The following ERC2 variants were observed in gnomAD, a reference collection of about 807,000 sequenced individuals.
ERC2 encodes the protein ELKS/RAB6-interacting/CAST family member 2, also known as ERC protein 2.
ERC2 carries 42 observed loss-of-function variants against 114.8 expected under a neutral mutation model. The ratio of observed to expected loss-of-function variants is 0.37; its 90% confidence interval spans 0.29 to 0.47. ERC2 has a LOEUF of 0.47. Among genes scored for constraint, ERC2 ranks in the 20% least tolerant of loss-of-function variants. ERC2 has a pLI of 0.99. For missense variants in ERC2, 939 were observed against 1,150.7 expected, an observed-to-expected ratio of 0.82 and a Z score of 2.66; for synonymous variants, 454 against 425.5, an observed-to-expected ratio of 1.07 and a Z score of -0.82.
chr3:56,051,774 C>A (rs1193464046), intron 7 of ERC2, among the ~76,000 whole-genome samples: 1 of 150,072 alleles, frequency 6.7e-6, no homozygotes, highest in African/African-American at 2.5e-5. Context: ...TGCAGTGAGC[C>A]GAGATCGCGC....
intron 14 of ERC2, among the ~76,000 whole-genome samples, chr3:55,763,601 T>G (rs933938111): frequency 1.3e-5 from 2 of 152,176 alleles, no homozygotes; most frequent in African/African-American, 2.4e-5. Flanking sequence ...AATTTAGAAA[T>G]GAGTACCAAG....
intron 2 of ERC2, among the ~76,000 whole-genome samples, chr3:56,349,268 T>C (rs1283841544): frequency 6.6e-6 from 1 of 152,166 alleles, no homozygotes; most frequent in Non-Finnish European, 1.5e-5. Flanking sequence ...TAAATTACCC[T>C]CTGCTCATCT....
chr3:56,150,879 A>C (rs1166619471), intron 4 of ERC2, among the ~76,000 whole-genome samples: 1 of 152,110 alleles, frequency 6.6e-6, no homozygotes, highest in Non-Finnish European at 1.5e-5. Flanking sequence ...GTGGGTAATT[A>C]GGATTAGATG....
intron 3 of ERC2, among the ~76,000 whole-genome samples, chr3:56,230,666 G>A (rs533041466): frequency 1.3e-5 from 2 of 152,288 alleles, no homozygotes; most frequent in African/African-American, 2.4e-5. Context: ...TATAATTTAT[G>A]TATTGCAGAA....
At chr3:56,367,974 A>T (rs1454392620) in intron 2 of ERC2, among the ~76,000 whole-genome samples, 2 of 148,880 alleles carry the variant, frequency 1.3e-5, no homozygotes, top group Non-Finnish European at 3.0e-5. Context: ...AAAGTGTAAA[A>T]GGTAGGACAA....
At chr3:56,030,483 T>C (rs1181987655) in intron 7 of ERC2, among the ~76,000 whole-genome samples, 1 of 152,228 alleles carries the variant, frequency 6.6e-6, no homozygotes, top group Non-Finnish European at 1.5e-5. Context: ...TTTTCTTTCA[T>C]GTATTTTGAA....
intron 3 of ERC2, among the ~76,000 whole-genome samples, chr3:56,229,354 TCATTCTTAAAGCACTTTTGG>T (rs1322963773): frequency 6.6e-6 from 1 of 152,216 alleles, no homozygotes; most frequent in Non-Finnish European, 1.5e-5. Flanking sequence ...CTTAGAGCTA[TCATTCTTAAAGCACTTTTGG>T]CCAACCTCTG....
chr3:55,734,310 C>G (rs182142120), intron 15 of ERC2, among the ~76,000 whole-genome samples: 196 of 152,086 alleles, frequency 1.3e-3, no homozygotes, highest in African/African-American at 4.2e-3. Flanking sequence ...AGGAAATAGT[C>G]AAAGAACTAA....
At chr3:55,677,717 T>C (rs2061878369) in intron 17 of ERC2, among the ~76,000 whole-genome samples, 1 of 152,174 alleles carries the variant, frequency 6.6e-6, no homozygotes, top group African/African-American at 2.4e-5. Context: ...AGGGTCTTCT[T>C]CACTTTTTCT....
chr3:55,711,844 T>C (rs1228903334), intron 15 of ERC2, among the ~76,000 whole-genome samples: 1 of 152,208 alleles, frequency 6.6e-6, no homozygotes, highest in Non-Finnish European at 1.5e-5. Context: ...GTTTCTATAA[T>C]GTGCTAGGAA....
At chr3:56,085,968 A>G (rs1018844360) in intron 6 of ERC2, among the ~76,000 whole-genome samples, 5 of 152,182 alleles carry the variant, frequency 3.3e-5, no homozygotes, top group African/African-American at 7.2e-5. Context: ...ATAAATTACA[A>G]TATGGGAGGT....
chr3:56,285,447 C>G (rs148099474), intron 3 of ERC2, among the ~76,000 whole-genome samples: 12 of 152,222 alleles, frequency 7.9e-5, no homozygotes, highest in African/African-American at 2.9e-4. Context: ...ACAACAATCA[C>G]CTTGCCCAAT....
intron 2 of ERC2, among the ~76,000 whole-genome samples, chr3:56,362,036 G>A (rs528692984): frequency 2.6e-5 from 4 of 152,302 alleles, no homozygotes; most frequent in African/African-American, 9.6e-5. Flanking sequence ...ATTGATGGAG[G>A]CAGAGGCTTA....
chr3:55,976,420 G>T (rs1006331679), intron 12 of ERC2, among the ~76,000 whole-genome samples: 2 of 151,994 alleles, frequency 1.3e-5, no homozygotes, highest in African/African-American at 4.8e-5. Flanking sequence ...ATTCCACTCC[G>T]AATGCCTTTT....
rs2061797062 is a variant in ERC2, at chr3:55,676,113, G to C, written c.*39+7681C>G. Among the ~76,000 whole-genome samples the C allele has an allele frequency of 2.0e-5, 3 of 151,602 alleles. No individual in the cohort carries two copies. The South Asian group carries it at 6.2e-4, about 32-fold the overall frequency. On this transcript the variant is annotated intron_variant, in intron 17 of 17. Transcript: ENST00000288221. Reference sequence around the variant, plus strand: ...TTTTTTTGCATTTTTAGTAGAGACAGGGTTTCTCCATGTTGGCCAGGCTGG... The same window carrying C: ...TTTTTTTGCATTTTTAGTAGAGACACGGTTTCTCCATGTTGGCCAGGCTGG...
intron 17 of ERC2, among the ~76,000 whole-genome samples, chr3:55,603,643 C>CAAA (rs34016147): frequency 7.4e-5 from 5 of 67,346 alleles, no homozygotes; most frequent in Non-Finnish European, 1.2e-4. Context: ...GACTCTGTCT[C>CAAA]AAAAAAAAAA....
intron 14 of ERC2, among the ~76,000 whole-genome samples, chr3:55,871,802 T>G (rs2062594705): frequency 6.6e-6 from 1 of 152,198 alleles, no homozygotes; most frequent in South Asian, 2.1e-4. Context: ...ATTTTGCTGT[T>G]TTACAGCAAT....
chr3:55,631,397 A>AG (rs377089646), intron 17 of ERC2, among the ~76,000 whole-genome samples: 17 of 152,324 alleles, frequency 1.1e-4, no homozygotes, highest in African/African-American at 4.1e-4. Context: ...CAGCCAATTC[A>AG]GTGAAATCCA....
chr3:55,611,466 G>A (rs954851893), intron 17 of ERC2, among the ~76,000 whole-genome samples: 1 of 152,212 alleles, frequency 6.6e-6, no homozygotes, highest in African/African-American at 2.4e-5. Context: ...GCTGGCTTGT[G>A]TGTGAAGGCT....
Sources: allele counts gnomAD v4.1 joint callset (sites outside exome capture counted in the v4.1 genomes callset), GRCh38; gene constraint gnomAD v4.1.1; transcripts MANE v1.5; gene names NCBI Gene and HGNC (gene_info 2026-07-23, HGNC 2026-07-21).